The following RPS6KA2 variants were observed in gnomAD, a reference collection of about 807,000 sequenced individuals.
The protein encoded by RPS6KA2 is ribosomal protein S6 kinase A2, also known as ribosomal protein S6 kinase alpha-2.
RPS6KA2 carries 42 observed loss-of-function variants against 91.8 expected under a neutral mutation model. That is an observed-to-expected ratio of 0.46 (90% confidence interval 0.36 to 0.59). The LOEUF (loss-of-function observed/expected upper bound fraction) is 0.59, where lower values mean the gene tolerates loss of function less well. Among genes scored for constraint, RPS6KA2 ranks in the 20% least tolerant of loss-of-function variants. The pLI is 0.00. For missense variants in RPS6KA2, 798 were observed against 978.5 expected, an observed-to-expected ratio of 0.82 and a Z score of 2.46; for synonymous variants, 414 against 393.6, an observed-to-expected ratio of 1.05 and a Z score of -0.61.
intron 2 of RPS6KA2, among the ~76,000 whole-genome samples, chr6:166,749,775 T>TCCTCAGGCCCCCATG (rs1791218263): frequency 3.2e-5 from 3 of 95,210 alleles, no homozygotes; most frequent in Non-Finnish European, 4.7e-5. Context: ...AGGCCCCCAT[T>TCCTCAGGCCCCCATG]TCCTCAGGTC....
intron 2 of RPS6KA2, among the ~76,000 whole-genome samples, chr6:166,790,778 A>G (rs1779062333): frequency 6.6e-6 from 1 of 152,244 alleles, no homozygotes; most frequent in Non-Finnish European, 1.5e-5. Flanking sequence ...TCATAAGTGA[A>G]AGAGAAATAA....
At chr6:166,769,158 A>G (rs1239748510) in intron 2 of RPS6KA2, among the ~76,000 whole-genome samples, 2 of 152,190 alleles carry the variant, frequency 1.3e-5, no homozygotes, top group Non-Finnish European at 2.9e-5. Flanking sequence ...CCCAATGTTC[A>G]CTGCTATGAC....
intron 16 of RPS6KA2, among the ~76,000 whole-genome samples, chr6:166,424,739 C>A (rs1483105816): frequency 6.6e-6 from 1 of 152,226 alleles, no homozygotes; most frequent in Admixed American, 6.5e-5. Flanking sequence ...CCCACGTGAA[C>A]CTCAGGCATC....
At chr6:166,772,781 C>A (rs1452162137) in intron 2 of RPS6KA2, among the ~76,000 whole-genome samples, 1 of 152,108 alleles carries the variant, frequency 6.6e-6, no homozygotes, top group Non-Finnish European at 1.5e-5. Context: ...GCTTGGGGTC[C>A]CTCATAAAAA....
chr6:166,470,042 C>A, intron 10 of RPS6KA2, 137 bp from the exon 11 acceptor site: 1 of 742,790 alleles, frequency 1.3e-6, no homozygotes, highest in Non-Finnish European at 2.3e-6. Flanking sequence ...CTCACTCCTG[C>A]CCAAGGCACC....
chr6:166,839,073 G>C (rs905411425), intron 2 of RPS6KA2, among the ~76,000 whole-genome samples: 2 of 152,164 alleles, frequency 1.3e-5, no homozygotes, highest in African/African-American at 4.8e-5. Flanking sequence ...CTCGATCTTA[G>C]GATCTGTGCC....
At position 166,767,310 on chromosome 6, in the gene RPS6KA2, C is replaced by A. The variant is rs1051716844; in HGVS notation, c.123+90890G>T. On this transcript the variant is annotated intron_variant, in intron 2 of 21. Coordinates refer to the RPS6KA2 transcript ENST00000503859. The surrounding 1 kb of genome is among the most constrained non-coding windows in gnomAD (Gnocchi z 4.6). ...CAGCTTGCAAGGCAGAGGCACGGAA[C>A]GATTTGATGAAAAAGACAGAGGAAA... is the stretch of plus-strand genomic sequence containing the variant. Among the ~76,000 whole-genome samples, 1 of 152,128 alleles carries A rather than the reference C, an allele frequency of 6.6e-6. No homozygotes were observed. The highest frequency in any genetic ancestry group is 6.5e-5 in the Admixed American group (1 of 15,282).
intron 10 of RPS6KA2, among the ~76,000 whole-genome samples, chr6:166,473,441 C>A (rs1318608920): frequency 6.6e-6 from 1 of 152,198 alleles, no homozygotes; most frequent in Admixed American, 6.5e-5. Context: ...ATCTGCCTGC[C>A]TGGGTCTCCC....
chr6:166,562,371 A>C (rs1252039444), intron 1 of RPS6KA2, among the ~76,000 whole-genome samples: 4 of 152,198 alleles, frequency 2.6e-5, no homozygotes, highest in African/African-American at 9.7e-5. Flanking sequence ...AGTATCACCC[A>C]TGTATACATA....
chr6:166,620,696 A>T (rs1246662457), intron 1 of RPS6KA2, among the ~76,000 whole-genome samples: 1 of 152,248 alleles, frequency 6.6e-6, no homozygotes, highest in Non-Finnish European at 1.5e-5. Context: ...CACCAAAGTC[A>T]GCTTTGTGCA....
At chr6:166,596,849 TG>T (rs1785550604) in intron 1 of RPS6KA2, among the ~76,000 whole-genome samples, 1 of 151,784 alleles carries the variant, frequency 6.6e-6, no homozygotes, top group Admixed American at 6.6e-5. Context: ...ACAAACAGGG[TG>T]GGGGGTTTCC....
intron 2 of RPS6KA2, among the ~76,000 whole-genome samples, chr6:166,676,473 C>T (rs189404874): frequency 2.0e-5 from 3 of 152,314 alleles, no homozygotes; most frequent in South Asian, 2.1e-4. Flanking sequence ...TGTGATTCCA[C>T]GCCTCACCCT....
intron 11 of RPS6KA2, among the ~76,000 whole-genome samples, chr6:166,464,022 G>A (rs1780428390): frequency 6.6e-6 from 1 of 152,192 alleles, no homozygotes; most frequent in South Asian, 2.1e-4. Context: ...TGTATATAAT[G>A]TAGGAATAAA....
intron 2 of RPS6KA2, among the ~76,000 whole-genome samples, chr6:166,754,287 G>C (rs1464910467): frequency 6.6e-6 from 1 of 152,210 alleles, no homozygotes; most frequent in African/African-American, 2.4e-5. Context: ...ACAACTGTCA[G>C]CGAAAAGAGA....
chr6:166,828,422 C>G (rs1328655312), intron 2 of RPS6KA2, among the ~76,000 whole-genome samples: 1 of 152,354 alleles, frequency 6.6e-6, no homozygotes. Context: ...GGGCTCATGC[C>G]GTATCTGCCC....
At chr6:166,505,238 A>G (rs1190287529) in intron 5 of RPS6KA2, among the ~76,000 whole-genome samples, 3 of 152,094 alleles carry the variant, frequency 2.0e-5, no homozygotes, top group Admixed American at 6.5e-5. Context: ...TGGCAGCCAC[A>G]TTCCGGGATC....
rs575449647 is a variant in RPS6KA2, at chr6:166,861,355, A to G, written c.63+753T>C. Among the ~76,000 whole-genome samples the G allele has an allele frequency of 7.8e-5, 7 of 89,714 alleles. No individual in the cohort carries two copies. The East Asian group carries it at 2.4e-3, about 30-fold the overall frequency. The allele number at this position is 89,714 out of a possible 152,430, so 58.9% of individuals were successfully genotyped here. ...GAGTTGCTATAAACACAGAACAGGT[A>G]TATCTAATAATTTAGTAGACGTTAA... On this transcript the variant is annotated intron_variant, in intron 1 of 21. Coordinates refer to the RPS6KA2 transcript ENST00000503859.
At chr6:166,853,565 C>T (rs1222913711) in intron 2 of RPS6KA2, among the ~76,000 whole-genome samples, 2 of 152,236 alleles carry the variant, frequency 1.3e-5, no homozygotes, top group African/African-American at 4.8e-5. Flanking sequence ...AGCACAGCAG[C>T]TCAGAGGAGG....
chr6:166,627,262 GC>G (rs1203559239), upstream of RPS6KA2: 2 of 1,005,402 alleles, frequency 2.0e-6, no homozygotes, highest in East Asian at 2.0e-4. Context: ...ACCAGCGCCG[GC>G]CACGCGCCAC....
Sources: allele counts gnomAD v4.1 joint callset (sites outside exome capture counted in the v4.1 genomes callset), GRCh38; gene constraint gnomAD v4.1.1; non-coding constraint Gnocchi (gnomAD v3.1); transcripts MANE v1.5; gene names NCBI Gene and HGNC (gene_info 2026-07-23, HGNC 2026-07-21).